The following GAS2L3 variants were observed in gnomAD, a reference collection of about 807,000 sequenced individuals.
GAS2L3 encodes growth arrest specific 2 like 3.
GAS2L3 carries 28 observed loss-of-function variants against 37.0 expected under a neutral mutation model. The observed-to-expected ratio is 0.76, with a 90% CI of 0.56 to 1.04. The LOEUF is 1.04. Among genes scored for constraint, GAS2L3 ranks in the 50% least tolerant of loss-of-function variants. The probability of loss-of-function intolerance (pLI) is 0.00; values close to 1 mark genes in which losing one functional copy is unlikely to be tolerated. For synonymous variants in GAS2L3, 290 were observed against 296.6 expected (o/e 0.98, Z 0.23); for missense variants, 793 against 817.6 (o/e 0.97, Z 0.37).
At chr12:100,586,283 G>T (rs1955780263) in intron 1 of GAS2L3, among the ~76,000 whole-genome samples, 1 of 152,152 alleles carries the variant, frequency 6.6e-6, no homozygotes, top group Admixed American at 6.5e-5. Context: ...TACACATTCT[G>T]TTCAACAGCG....
Position 100,624,870 on chromosome 12 carries a change from A to G in GAS2L3, c.2065A>G (p.Ser689Gly). 1 of 1,585,242 alleles carries G rather than the reference A, an allele frequency of 6.3e-7. No homozygotes were observed. Among genetic ancestry groups the G allele is most frequent in the Non-Finnish European group, 8.6e-7 (1 of 1,163,154 alleles). ...TGACCATTATTTTGTCATGACTGGAAGTAAGAAACCTAGAAAATAAATACA... is the reference window on the plus strand; with the variant it reads ...TGACCATTATTTTGTCATGACTGGAGGTAAGAAACCTAGAAAATAAATACA... The part of the protein sequence containing the change: ...DDDHYFVMTG[S>G]KKPRK The change falls in exon 10 of 10, where the codon AGT becomes GGT. Residue 689 changes from serine to glycine, a missense_variant. By Grantham distance (56) the Ser-to-Gly change is moderately conservative (BLOSUM62 0). Coordinates refer to ENST00000547754, the MANE Select transcript of GAS2L3 (RefSeq NM_174942.3).
At chr12:100,584,971 C>T (rs1955761448) in intron 1 of GAS2L3, among the ~76,000 whole-genome samples, 1 of 147,160 alleles carries the variant, frequency 6.8e-6, no homozygotes, top group Non-Finnish European at 1.5e-5. Context: ...TCCCTGCAAG[C>T]TCTGCCTCCT....
intron 3 of GAS2L3, among the ~76,000 whole-genome samples, chr12:100,595,304 G>A (rs1955897250): frequency 6.6e-6 from 1 of 151,612 alleles, no homozygotes; most frequent in Admixed American, 6.6e-5. Flanking sequence ...AGAGCTTTCA[G>A]TGAAAACAAA....
Position 100,624,669 on chromosome 12 carries a change from T to C in GAS2L3, c.1864T>C (p.Ser622Pro). 1 of 1,614,074 alleles carries C rather than the reference T, an allele frequency of 6.2e-7. No homozygotes were observed. The highest frequency in any genetic ancestry group is 8.5e-7 in the Non-Finnish European group (1 of 1,180,024). Residue 622 changes from serine to proline, a missense_variant, in exon 10 of 10, where the codon TCT becomes CCT. Physicochemically the swap from Ser to Pro is moderately conservative, Grantham distance 74. Transcript: ENST00000547754. ...PLSIVSLPQS[S>P]TKTQTAPKSA... is the part of the protein sequence containing the mutation. ...GTCCATCGTGAGCCTACCCCAGTCT[T>C]CTACCAAAACACAAACTGCACCGAA... is the stretch of plus-strand genomic sequence containing the variant.
rs566899740 is a variant in GAS2L3 at position 100,627,088 on chromosome 12, CA to C, written c.*2213del. Reference sequence around the variant, plus strand: ...TGGGCAACAGAGTGAGACTCTGTCTCAAAAAAAAAAAAAAAGAAAAAGAAAA... The same window carrying C: ...TGGGCAACAGAGTGAGACTCTGTCTCAAAAAAAAAAAAAAGAAAAAGAAAA... On this transcript the variant is annotated 3_prime_UTR_variant, in exon 10 of 10. Coordinates refer to ENST00000547754, the MANE Select transcript of GAS2L3 (RefSeq NM_174942.3). Among the ~76,000 whole-genome samples the C allele has an allele frequency of 0.19, 15,227 of 81,430 alleles. 709 individuals are homozygous for C. The highest frequency in any genetic ancestry group is 0.24 in the Admixed American group (1,791 of 7,614). The allele number at this position is 81,430 out of a possible 152,430, so 53.4% of individuals were successfully genotyped here.
intron 1 of GAS2L3, among the ~76,000 whole-genome samples, chr12:100,586,143 C>A (rs1454703407): frequency 1.3e-5 from 2 of 152,184 alleles, no homozygotes; most frequent in Admixed American, 1.3e-4. Flanking sequence ...CTTCAATAAA[C>A]CACTGACAAC....
At chr12:100,594,503 T>A (rs972326240) in intron 2 of GAS2L3, among the ~76,000 whole-genome samples, 1 of 152,042 alleles carries the variant, frequency 6.6e-6, no homozygotes, top group Non-Finnish European at 1.5e-5. Context: ...TCAATATCAG[T>A]TGTTGTAATA....
intron 3 of GAS2L3, 103 bp downstream of exon 3, chr12:100,595,025 G>GT: frequency 4.1e-6 from 2 of 489,344 alleles, no homozygotes; most frequent in South Asian, 4.2e-5. Context: ...TATTGTGCTA[G>GT]TTTTTTTAAG....
intron 1 of GAS2L3, among the ~76,000 whole-genome samples, chr12:100,589,970 C>A (rs1353978886): frequency 1.3e-5 from 2 of 152,156 alleles, no homozygotes; most frequent in African/African-American, 4.8e-5. Flanking sequence ...TAGAAGATGA[C>A]ACTGGAAAAA....
chr12:100,612,264 T>TAC (rs1956136810), intron 6 of GAS2L3, 123 bp downstream of exon 6: 1 of 756,948 alleles, frequency 1.3e-6, no homozygotes, highest in Non-Finnish European at 2.3e-6. Context: ...TAGAAAAATG[T>TAC]ATACTTTGAA....
chr12:100,609,087 C>T (rs898230652), intron 5 of GAS2L3, among the ~76,000 whole-genome samples: 7 of 152,002 alleles, frequency 4.6e-5, no homozygotes, highest in African/African-American at 1.4e-4. Context: ...AGGCCAGTTC[C>T]AGAAATGCTG....
intron 6 of GAS2L3, among the ~76,000 whole-genome samples, chr12:100,615,136 G>A (rs1000675736): frequency 2.0e-5 from 3 of 152,130 alleles, no homozygotes; most frequent in Non-Finnish European, 4.4e-5. Context: ...AGTGCCCAAT[G>A]TTCCAATTTC....
intron 1 of GAS2L3, among the ~76,000 whole-genome samples, chr12:100,590,373 C>T (rs7304204): frequency 0.16 from 24,703 of 152,112 alleles, 2,889 homozygotes; most frequent in East Asian, 0.48. Flanking sequence ...TGTGATACTA[C>T]CTCACTATTG....
intron 7 of GAS2L3, 80 bp from the exon 8 acceptor site, chr12:100,618,369 G>A: frequency 4.2e-6 from 6 of 1,426,684 alleles, no homozygotes; most frequent in Non-Finnish European, 1.9e-6. Flanking sequence ...CTTTACTTCA[G>A]AAAGAAAATC....
intron 1 of GAS2L3, among the ~76,000 whole-genome samples, chr12:100,590,668 T>C (rs1486126732): frequency 1.3e-5 from 2 of 152,072 alleles, no homozygotes; most frequent in Admixed American, 6.5e-5. Flanking sequence ...ACAACCCAAA[T>C]ACCCATGAAT....
chr12:100,577,784 G>A (rs2044212453), intron 1 of GAS2L3, among the ~76,000 whole-genome samples: 1 of 152,190 alleles, frequency 6.6e-6, no homozygotes, highest in Admixed American at 6.5e-5. Flanking sequence ...GACTTTGGAG[G>A]AATAGAATCT....
Position 100,600,400 on chromosome 12 carries a change from C to A in GAS2L3, c.37C>A (p.Leu13Met). 1 of 1,589,190 alleles carries A rather than the reference C, an allele frequency of 6.3e-7. No homozygotes were observed. The highest frequency in any genetic ancestry group is 8.5e-7 in the Non-Finnish European group (1 of 1,171,896). Residue 13 changes from leucine (L) to methionine (M), a missense_variant, in exon 4 of 10, where the codon CTG becomes ATG. By Grantham distance (15) the Leu-to-Met change is conservative (BLOSUM62 2). Coordinates refer to ENST00000547754, the MANE Select transcript of GAS2L3 (RefSeq NM_174942.3). ...PAIQVWFGEDLPLSPRSPLTP... is the reference protein window; with the variant it reads ...PAIQVWFGEDMPLSPRSPLTP... ...TCTTTAGGTATGGTTTGGAGAAGATCTGCCTCTAAGTCCTCGGAGTCCTCT... is the reference window on the plus strand; with the variant it reads ...TCTTTAGGTATGGTTTGGAGAAGATATGCCTCTAAGTCCTCGGAGTCCTCT...
chr12:100,593,358 T>C (rs1001221953), intron 2 of GAS2L3, among the ~76,000 whole-genome samples: 4 of 152,168 alleles, frequency 2.6e-5, no homozygotes, highest in African/African-American at 7.2e-5. Flanking sequence ...TAGTTTTTTC[T>C]GTTATGCAAG....
chr12:100,600,031 G>A (rs183410792), intron 3 of GAS2L3, among the ~76,000 whole-genome samples: 2 of 152,192 alleles, frequency 1.3e-5, no homozygotes, highest in East Asian at 3.9e-4. Context: ...AGACCAGCCT[G>A]GGCAACATAG....
Sources: gnomAD v4.1 joint callset for allele counts (sites outside exome capture counted in the v4.1 genomes callset) on GRCh38, gnomAD v4.1.1 for gene constraint, MANE v1.5 for transcripts, NCBI Gene and HGNC (gene_info 2026-07-23, HGNC 2026-07-21) for gene names.